The following PRELID2 variants were observed in gnomAD, a reference collection of about 807,000 sequenced individuals.
PRELID2 encodes the protein PRELI domain-containing protein 2.
PRELID2 carries 25 observed loss-of-function variants against 28.4 expected under a neutral mutation model. The ratio of observed to expected loss-of-function variants is 0.88; its 90% CI spans 0.64 to 1.23. PRELID2 has a LOEUF of 1.23. Ranked by LOEUF, PRELID2 falls within the 50% of genes most tolerant of loss-of-function variation. The probability of loss-of-function intolerance (pLI) is 0.00; values close to 1 mark genes in which losing one functional copy is unlikely to be tolerated. For synonymous variants in PRELID2, 76 were observed against 71.6 expected (o/e 1.06, Z -0.31); for missense variants, 201 against 214.4 (o/e 0.94, Z 0.39).
chr5:145,340,266 A>T, the PRELID2 span, among the ~76,000 whole-genome samples: 1 of 152,172 alleles, frequency 6.6e-6, no homozygotes, highest in East Asian at 1.9e-4. Flanking sequence ...ATATCACCAC[A>T]GCTGAAACCC....
intron 1 of PRELID2, among the ~76,000 whole-genome samples, chr5:145,656,238 A>G (rs568932236): frequency 3.9e-4 from 59 of 152,326 alleles, no homozygotes; most frequent in Non-Finnish European, 6.0e-4. Flanking sequence ...CGATCATTAA[A>G]AAGTCAGGAA....
At chr5:145,362,068 A>T in the PRELID2 span, among the ~76,000 whole-genome samples, 5 of 152,150 alleles carry the variant, frequency 3.3e-5, no homozygotes. Context: ...CACATTTTAC[A>T]AGCATAAGGT....
chr5:145,311,532 G>C, the PRELID2 span, among the ~76,000 whole-genome samples: 2 of 152,118 alleles, frequency 1.3e-5, no homozygotes, highest in African/African-American at 4.8e-5. Flanking sequence ...GTTAGACTCA[G>C]GGCATGGCCT....
At chr5:145,295,954 A>G in the PRELID2 span, among the ~76,000 whole-genome samples, 1 of 152,150 alleles carries the variant, frequency 6.6e-6, no homozygotes, top group Non-Finnish European at 1.5e-5. Flanking sequence ...TTTCCTTTAT[A>G]CTTGGAAAAG....
At chr5:145,624,719 T>C (rs1248909405) in intron 1 of PRELID2, among the ~76,000 whole-genome samples, 1 of 152,154 alleles carries the variant, frequency 6.6e-6, no homozygotes, top group Non-Finnish European at 1.5e-5. Flanking sequence ...GCACTAATTA[T>C]AAAAGAGATT....
chr5:145,770,524 T>G (rs1758038223), intron 5 of PRELID2, among the ~76,000 whole-genome samples: 1 of 152,004 alleles, frequency 6.6e-6, no homozygotes, highest in South Asian at 2.1e-4. Flanking sequence ...AGGTTAACTG[T>G]AAAACAGCCT....
At chr5:145,680,833 G>A (rs1220661957) in intron 1 of PRELID2, among the ~76,000 whole-genome samples, 1 of 152,086 alleles carries the variant, frequency 6.6e-6, no homozygotes, top group Non-Finnish European at 1.5e-5. Flanking sequence ...TAACAAGACT[G>A]GGTATGGGAG....
At chr5:145,743,429 AAG>A (rs1487872426) in intron 1 of PRELID2, among the ~76,000 whole-genome samples, 210 of 130,120 alleles carry the variant, frequency 1.6e-3, no homozygotes, top group African/African-American at 5.2e-3. Context: ...AAAAAAAAAA[AAG>A]AAAGAAAAAG....
the PRELID2 span, among the ~76,000 whole-genome samples, chr5:145,249,023 G>C: frequency 6.6e-6 from 1 of 152,110 alleles, no homozygotes. Flanking sequence ...TGTTCGTTCA[G>C]ATTTAGAAGC....
At chr5:145,660,209 G>C (rs1396454318) in intron 1 of PRELID2, among the ~76,000 whole-genome samples, 1 of 152,200 alleles carries the variant, frequency 6.6e-6, no homozygotes, top group Non-Finnish European at 1.5e-5. Flanking sequence ...CAGTGGTTAA[G>C]AGTATGGCCT....
the PRELID2 span, among the ~76,000 whole-genome samples, chr5:145,294,427 C>G: frequency 2.0e-5 from 3 of 150,928 alleles, no homozygotes; most frequent in South Asian, 6.3e-4. Flanking sequence ...CAAATGACTT[C>G]GAGTTTTTAA....
At chr5:145,581,933 A>G (rs968985471) in intron 1 of PRELID2, among the ~76,000 whole-genome samples, 1 of 152,092 alleles carries the variant, frequency 6.6e-6, no homozygotes, top group African/African-American at 2.4e-5. Context: ...TTCCAAATCA[A>G]CTGATTCAAA....
At chr5:145,782,371 C>T (rs773859586) in intron 5 of PRELID2, among the ~76,000 whole-genome samples, 4 of 152,176 alleles carry the variant, frequency 2.6e-5, no homozygotes, top group Non-Finnish European at 5.9e-5. Flanking sequence ...AGGAATTGGA[C>T]CTTTGTGTGC....
At chr5:145,503,056 G>C (rs954982724) in intron 1 of PRELID2, among the ~76,000 whole-genome samples, 2 of 152,140 alleles carry the variant, frequency 1.3e-5, no homozygotes, top group Admixed American at 1.3e-4. Flanking sequence ...AAGCAATGGA[G>C]TGGATGGCTG....
intron 5 of PRELID2, among the ~76,000 whole-genome samples, chr5:145,770,501 G>A (rs566379141): frequency 1.3e-5 from 2 of 152,234 alleles, no homozygotes; most frequent in South Asian, 4.1e-4. Flanking sequence ...GAGAGACCCT[G>A]TCTCTGAAAA....
intron 1 of PRELID2, among the ~76,000 whole-genome samples, chr5:145,588,547 C>T (rs1314914562): frequency 1.3e-5 from 2 of 151,998 alleles, no homozygotes; most frequent in African/African-American, 4.8e-5. Flanking sequence ...AGACTATTGT[C>T]CCAAATTAAT....
chr5:145,574,041 T>C (rs1753038223), intron 1 of PRELID2, among the ~76,000 whole-genome samples: 2 of 152,204 alleles, frequency 1.3e-5, no homozygotes, highest in Admixed American at 1.3e-4. Context: ...ATTAATCAGC[T>C]GACCTTAAAA....
the PRELID2 span, among the ~76,000 whole-genome samples, chr5:145,254,821 A>G: frequency 6.6e-6 from 1 of 151,920 alleles, no homozygotes; most frequent in Non-Finnish European, 1.5e-5. Context: ...AAAGATTTAC[A>G]CTGATTTTCA....
the PRELID2 span, among the ~76,000 whole-genome samples, chr5:145,255,773 T>G: frequency 6.6e-6 from 1 of 151,892 alleles, no homozygotes; most frequent in Non-Finnish European, 1.5e-5. Context: ...AGAGCAAGAC[T>G]CTGTCTCAAA....
Sources: gnomAD v4.1 joint callset for allele counts (sites outside exome capture counted in the v4.1 genomes callset) on GRCh38, gnomAD v4.1.1 for gene constraint, MANE v1.5 for transcripts, NCBI Gene and HGNC (gene_info 2026-07-23, HGNC 2026-07-21) for gene names.